The following PDE4D variants were observed in gnomAD, a reference collection of about 807,000 sequenced individuals.
The protein encoded by PDE4D is phosphodiesterase 4D, also known as 3',5'-cyclic-AMP phosphodiesterase 4D.
A neutral mutation model predicts 87.4 loss-of-function variants in PDE4D; 24 were observed. That is an observed-to-expected ratio of 0.27 (90% CI 0.20 to 0.39). The LOEUF (loss-of-function observed/expected upper bound fraction) is 0.39. PDE4D is among the 10% of genes least tolerant of loss of function. The pLI is 1.00. For synonymous variants in PDE4D, 384 were observed against 383.2 expected, an observed-to-expected ratio of 1.00 and a Z score of -0.02; for missense variants, 714 against 1,041.0, an observed-to-expected ratio of 0.69 and a Z score of 4.32.
intron 1 of PDE4D, among the ~76,000 whole-genome samples, chr5:59,608,507 T>C (rs2150058214): frequency 6.6e-6 from 1 of 152,234 alleles, no homozygotes; most frequent in East Asian, 1.9e-4. Context: ...ACATTGAAAA[T>C]GATAAGACAC....
intron 1 of PDE4D, among the ~76,000 whole-genome samples, chr5:60,380,358 A>G (rs1761764146): frequency 6.6e-6 from 1 of 152,244 alleles, no homozygotes; most frequent in Admixed American, 6.5e-5. Flanking sequence ...CCAAGGGAAT[A>G]GTATACATCC....
At chr5:59,273,120 T>A (rs1581708548) in intron 1 of PDE4D, among the ~76,000 whole-genome samples, 1 of 152,086 alleles carries the variant, frequency 6.6e-6, no homozygotes, top group Non-Finnish European at 1.5e-5. Flanking sequence ...CAAATAAACA[T>A]CTGAAAAAGA....
At chr5:59,775,260 G>T (rs942358451) in intron 1 of PDE4D, among the ~76,000 whole-genome samples, 12 of 151,930 alleles carry the variant, frequency 7.9e-5, no homozygotes, top group Non-Finnish European at 1.8e-4. Context: ...TTCAGTGAGA[G>T]GAATAACCAA....
chr5:60,404,766 A>T (rs1360350894), intron 1 of PDE4D, among the ~76,000 whole-genome samples: 1 of 152,206 alleles, frequency 6.6e-6, no homozygotes, highest in African/African-American at 2.4e-5. Flanking sequence ...TTCTAGACAA[A>T]CGCTTAACTT....
At chr5:59,741,279 C>A (rs1038605641) in intron 1 of PDE4D, among the ~76,000 whole-genome samples, 2 of 152,172 alleles carry the variant, frequency 1.3e-5, no homozygotes, top group African/African-American at 4.8e-5. Flanking sequence ...AAGATGATCT[C>A]TGAAAGGTCC....
intron 1 of PDE4D, among the ~76,000 whole-genome samples, chr5:59,766,700 C>T (rs1488779674): frequency 1.3e-5 from 2 of 152,268 alleles, no homozygotes; most frequent in Admixed American, 1.3e-4. Context: ...GCTCTGGCAC[C>T]CGATGCCTGG....
rs182319721 is a variant in PDE4D at position 60,506,620 on chromosome 5, C to G, written n.70+15431G>C. Among the ~76,000 whole-genome samples, 335 of 151,128 alleles carry G rather than the reference C, an allele frequency of 2.2e-3. 3 individuals are homozygous for G. Among genetic ancestry groups the G allele is most frequent in the Non-Finnish European group, 9.3e-4 (63 of 67,744 alleles). On this transcript the variant is annotated intron_variant and non_coding_transcript_variant, in intron 1 of 2. Transcript: ENST00000506510. ...TATTTTTTTTTAATCAGAGAAAGAA[C>G]AAAAAGGAATGGAAAGCAAGAGAGG...
chr5:59,738,811 C>T (rs1758445641), intron 1 of PDE4D, among the ~76,000 whole-genome samples: 1 of 151,786 alleles, frequency 6.6e-6, no homozygotes, highest in South Asian at 2.1e-4. Flanking sequence ...ATTCTAAACA[C>T]TACGCATACT....
Position 59,475,002 on chromosome 5 carries a change from A to G in PDE4D, c.456-259034T>C, listed in dbSNP as rs559719471. Among the ~76,000 whole-genome samples, 50 of 152,156 alleles carry G rather than the reference A, an allele frequency of 3.3e-4. 1 individual carries two copies. In the South Asian group the frequency reaches 9.7e-3, roughly 30 times the overall value. ...ACAAAGGAAACCAGCATGAACCAAT[A>G]TAATTTTGAGTTGGAAGTAAGAGAA... On this transcript the variant is annotated intron_variant, in intron 1 of 14. Transcript: ENST00000340635.
intron 6 of PDE4D, among the ~76,000 whole-genome samples, chr5:59,014,097 G>A (rs189922117): frequency 3.5e-4 from 53 of 151,380 alleles, no homozygotes; most frequent in Non-Finnish European, 7.2e-4. Context: ...AATTCAACAG[G>A]ACTTCATGCT....
intron 1 of PDE4D, among the ~76,000 whole-genome samples, chr5:60,404,842 T>G (rs984937868): frequency 1.3e-5 from 2 of 152,220 alleles, no homozygotes; most frequent in African/African-American, 4.8e-5. Context: ...GCCTGTAATA[T>G]TCTTCCTTTC....
At chr5:60,303,372 G>A (rs1341938037) in intron 1 of PDE4D, among the ~76,000 whole-genome samples, 5 of 147,320 alleles carry the variant, frequency 3.4e-5, no homozygotes, top group Non-Finnish European at 4.5e-5. Flanking sequence ...GCAGTGGCGC[G>A]ATCTCGGCTC....
At chr5:60,188,171 A>T (rs995394941) in intron 1 of PDE4D, 5 of 152,236 alleles carry the variant, frequency 3.3e-5, no homozygotes, top group Non-Finnish European at 7.3e-5. Flanking sequence ...ATAATCTACC[A>T]GTTGAAGGTC....
chr5:59,511,440 T>C (rs1810266172), intron 1 of PDE4D, among the ~76,000 whole-genome samples: 1 of 151,962 alleles, frequency 6.6e-6, no homozygotes, highest in East Asian at 1.9e-4. Context: ...TAAAAGTGGT[T>C]ACATCTTGGT....
chr5:59,770,908 G>T (rs533263433), intron 1 of PDE4D, among the ~76,000 whole-genome samples: 2 of 152,160 alleles, frequency 1.3e-5, no homozygotes, highest in South Asian at 4.2e-4. Flanking sequence ...AATGCAGGAA[G>T]ATCACTTGAG....
chr5:59,124,745 T>A (rs927448281), intron 5 of PDE4D, among the ~76,000 whole-genome samples: 8 of 152,192 alleles, frequency 5.3e-5, no homozygotes, highest in Non-Finnish European at 4.4e-5. Context: ...AGTAAAAAGA[T>A]GAAAATGTGA....
chr5:59,944,513 A>G (rs1757527634), intron 3 of PDE4D, among the ~76,000 whole-genome samples: 1 of 152,108 alleles, frequency 6.6e-6, no homozygotes, highest in African/African-American at 2.4e-5. Context: ...CTGGGATTAC[A>G]CGCCCCCACC....
intron 1 of PDE4D, among the ~76,000 whole-genome samples, chr5:59,284,799 C>T (rs2153550564): frequency 1.6e-5 from 1 of 63,006 alleles, no homozygotes; most frequent in Middle Eastern, 4.7e-3. Context: ...ATAGCAAAGA[C>T]TTGGAACCAA....
intron 2 of PDE4D, among the ~76,000 whole-genome samples, chr5:60,052,938 A>C (rs950850707): frequency 6.6e-6 from 1 of 152,196 alleles, no homozygotes; most frequent in African/African-American, 2.4e-5. Flanking sequence ...TCCCATTTAC[A>C]ATTGCTACAA....
Sources: allele counts gnomAD v4.1 joint callset (sites outside exome capture counted in the v4.1 genomes callset), GRCh38; gene constraint gnomAD v4.1.1; transcripts MANE v1.5; gene names NCBI Gene and HGNC (gene_info 2026-07-23, HGNC 2026-07-21).